The following PAQR9 variants were observed in gnomAD, a reference collection of about 807,000 sequenced individuals.
The protein encoded by PAQR9 is progestin and adipoQ receptor family member 9, also known as membrane progestin receptor epsilon.
In PAQR9, 12 loss-of-function variants were observed where a neutral mutation model predicts 24.0. That is an observed-to-expected ratio of 0.50 (90% CI 0.32 to 0.81). The LOEUF (loss-of-function observed/expected upper bound fraction) is 0.81. PAQR9 is among the 30% of genes least tolerant of loss of function. PAQR9 has a pLI of 0.03. For synonymous variants in PAQR9, 266 were observed against 237.6 expected (o/e 1.12, Z -1.10); for missense variants, 418 against 520.8 (o/e 0.80, Z 1.92).
At chr3:142,963,764 G>A, upstream of PAQR9, 1 of 949,022 alleles carries the variant, frequency 1.1e-6, no homozygotes, top group Non-Finnish European at 1.3e-6. Flanking sequence ...GGAGGGACGG[G>A]CGCACCGAGG....
chr3:142,952,654 T>C (rs1190333385), downstream of PAQR9: 1 of 408,356 alleles, frequency 2.4e-6, no homozygotes, highest in African/African-American at 2.1e-5. Context: ...GTGAGTTACT[T>C]TGTTTGGCCC....
At position 142,963,653 on chromosome 3, in the gene PAQR9, C is replaced by G; in HGVS notation, c.-317G>C. On this transcript the variant is annotated 5_prime_UTR_variant, in exon 1 of 1. Coordinates refer to ENST00000340634, the MANE Select transcript of PAQR9 (RefSeq NM_198504.4). ...GCGGCGGCGGCGCGGCTGACTGCGG[C>G]GGCAGCGCGGCAGCGGTGACTGGGC... The G allele has an allele frequency of 1.6e-6, 1 of 611,022 alleles. No individual in the cohort carries two copies. Among genetic ancestry groups the G allele is most frequent in the Non-Finnish European group, 2.0e-6 (1 of 490,312 alleles). 37.9% of individuals were successfully genotyped at this position (611,022 alleles called of 1,614,324 possible). A position where few individuals can be genotyped will look rare whatever the true frequency, so the allele number is the denominator to read the frequency against.
In PAQR9 at chr3:142,963,268, C is replaced by A. The variant is rs929455075; in HGVS notation, c.69G>T (p.Ser23=). Residue 23 remains serine, a synonymous_variant, in exon 1 of 1, where the codon TCG becomes TCT. Transcript: ENST00000340634. The part of the protein sequence containing the change: ...KGPPAPAPAA[S]GAARNSHSAA... Reference sequence around the variant, plus strand: ...CAGAGTGGGAGTTCCGGGCGGCCCCCGAAGCTGCCGGGGCCGGGGCCGGAG... The same window carrying A: ...CAGAGTGGGAGTTCCGGGCGGCCCCAGAAGCTGCCGGGGCCGGGGCCGGAG... The A allele has an allele frequency of 1.1e-5, 16 of 1,510,180 alleles. No individual in the cohort carries two copies. The highest frequency in any genetic ancestry group is 1.4e-5 in the African/African-American group (1 of 71,616). The allele number at this position is 1,510,180 out of a possible 1,614,324, so 93.5% of individuals were successfully genotyped here. A position where few individuals can be genotyped will look rare whatever the true frequency, so the allele number is the denominator to read the frequency against.
At chr3:142,951,740 C>A (rs974704738), downstream of PAQR9, 4 of 456,582 alleles carry the variant, frequency 8.8e-6, no homozygotes, top group Admixed American at 9.4e-5. Flanking sequence ...TCAGCTATAC[C>A]GGTATAGATG....
Position 142,961,266 on chromosome 3 carries a change from T to C in PAQR9, c.*937A>G, listed in dbSNP as rs1934884002. On this transcript the variant is annotated 3_prime_UTR_variant, in exon 1 of 1. Transcript: ENST00000340634. ...GCTTCAAAAGGCACATTTATTCCAG[T>C]GGCAATTTAAATAAGTAGAGAAGGA... 1 of 152,302 alleles carries C rather than the reference T, an allele frequency of 6.6e-6. No individual in the cohort carries two copies. The highest frequency in any genetic ancestry group is 1.5e-5 in the Non-Finnish European group (1 of 67,988). 9.4% of individuals were successfully genotyped at this position (152,302 alleles called of 1,614,324 possible). A position where few individuals can be genotyped will look rare whatever the true frequency, so the allele number is the denominator to read the frequency against.
Position 142,960,636 on chromosome 3 carries a change from G to A in PAQR9, c.*1567C>T, listed in dbSNP as rs959583610. 6.6e-6 allele frequency: 1 copy of A among 152,196 alleles called. No individual in the cohort carries two copies. Among genetic ancestry groups the A allele is most frequent in the African/African-American group, 2.4e-5 (1 of 41,436 alleles). The allele number at this position is 152,196 out of a possible 1,614,324, so 9.4% of individuals were successfully genotyped here. ...AACAAAATGACCTACCAGGAAGTGTGGTAAGTATTTAAACAAGTCATCTCA... is the reference window on the plus strand; with the variant it reads ...AACAAAATGACCTACCAGGAAGTGTAGTAAGTATTTAAACAAGTCATCTCA... On this transcript the variant is annotated 3_prime_UTR_variant, in exon 1 of 1. Coordinates refer to ENST00000340634, the MANE Select transcript of PAQR9 (RefSeq NM_198504.4).
In PAQR9 at chr3:142,962,308, T is replaced by A. The variant is rs1934910557; in HGVS notation, c.1029A>T (p.Ala343=). The change falls in exon 1 of 1, where the codon GCA becomes GCT. Residue 343 remains alanine, a synonymous_variant. Transcript: ENST00000340634. ...LRQFLQAPPA[A]PTFSGTVGYM... ...AGCCCACAGTACCCGAGAAAGTGGG[T>A]GCGGCAGGCGGCGCCTGGAGGAACT... 6.2e-7 allele frequency: 1 copy of A among 1,613,864 alleles called. No homozygotes were observed. The highest frequency in any genetic ancestry group is 1.3e-5 in the African/African-American group (1 of 74,878).
Position 142,962,228 on chromosome 3 carries a change from C to G in PAQR9, c.1109G>C (p.Ser370Thr), listed in dbSNP as rs545685616. Residue 370 changes from serine to threonine, a missense_variant, in exon 1 of 1, where the codon AGC (serine) becomes ACC (threonine). This residue lies in a region of PAQR9 where 230 missense variants were observed against 305.2 expected (regional missense o/e 0.75). Transcript: ENST00000340634. ...LGLVIRKFLNSSEFCSKK is the reference protein window; with the variant it reads ...LGLVIRKFLNTSEFCSKK ...TCACTTTTTACTGCAGAATTCGGAG[C>G]TGTTTAGGAACTTCCTGATTACCAG... is the stretch of plus-strand genomic sequence containing the variant. 7 of 1,613,938 alleles carry G rather than the reference C, an allele frequency of 4.3e-6. No individual in the cohort carries two copies. In the African/African-American group the frequency reaches 9.3e-5, roughly 22 times the overall value.
rs1410229559 is a variant in PAQR9, at chr3:142,957,120, C to T, written c.*5083G>A. On this transcript the variant is annotated 3_prime_UTR_variant, in exon 1 of 1. Coordinates refer to ENST00000340634, the MANE Select transcript of PAQR9 (RefSeq NM_198504.4). ...GCTATCCCGTAATGCCTTTTTGCCT[C>T]TGTCCTAATTTTATGGAAACAAAGT... is the stretch of plus-strand genomic sequence containing the variant. Among the ~76,000 whole-genome samples the T allele has an allele frequency of 1.3e-5, 2 of 152,174 alleles. No homozygotes were observed. The highest frequency in any genetic ancestry group is 2.9e-5 in the Non-Finnish European group (2 of 68,022).
Position 142,957,791 on chromosome 3 carries a change from TAAC to T in PAQR9, c.*4409_*4411del, listed in dbSNP as rs1263132173. On this transcript the variant is annotated 3_prime_UTR_variant, in exon 1 of 1. Transcript: ENST00000340634. The stretch of plus-strand genomic sequence containing the variant: ...GTACATTACATTTTCAAGTTATTTT[TAAC>T]AATAGGCCTAGGAGCACACAGAAAA... 6.6e-6 allele frequency among the ~76,000 whole-genome samples: 1 copy of T among 152,158 alleles called. No individual in the cohort carries two copies. The highest frequency in any genetic ancestry group is 2.4e-5 in the African/African-American group (1 of 41,428).
rs1355500300 is a variant in PAQR9 at position 142,958,966 on chromosome 3, G to T, written c.*3237C>A. Among the ~76,000 whole-genome samples the T allele has an allele frequency of 6.6e-6, 1 of 152,118 alleles. No homozygotes were observed. ...GTCAGCCCCAGAGACCAACCCACGG[G>T]GTGACAGGCACCGAAGTCAAACACC... On this transcript the variant is annotated 3_prime_UTR_variant, in exon 1 of 1. Transcript: ENST00000340634.
downstream of PAQR9, among the ~76,000 whole-genome samples, chr3:142,952,051 G>GT (rs1934722446): frequency 6.7e-6 from 1 of 149,772 alleles, no homozygotes; most frequent in Non-Finnish European, 1.5e-5. Context: ...AAAAGAAGGG[G>GT]GGGGGGTGTT....
At chr3:142,963,715 C>G (rs1312252312), upstream of PAQR9, 9 of 790,158 alleles carry the variant, frequency 1.1e-5, no homozygotes, top group Admixed American at 2.5e-4. Flanking sequence ...CCGCCGCCCC[C>G]GGAGCGGGAG....
downstream of PAQR9, chr3:142,951,864 C>T (rs541916142): frequency 1.4e-5 from 6 of 433,204 alleles, no homozygotes; most frequent in South Asian, 5.0e-5. Flanking sequence ...TCAAAGAGAA[C>T]AGAATGGGAA....
chr3:142,953,822 G>C (rs1229198887), downstream of PAQR9, among the ~76,000 whole-genome samples: 1 of 152,120 alleles, frequency 6.6e-6, no homozygotes, highest in East Asian at 1.9e-4. Context: ...CCTCAGGTAG[G>C]CCAATCTGAT....
chr3:142,962,196 C>T lies in PAQR9; in HGVS notation c.*7G>A. 1.2e-6 allele frequency: 2 copies of T among 1,611,622 alleles called. No homozygotes were observed. Among genetic ancestry groups the T allele is most frequent in the Non-Finnish European group, 8.5e-7 (1 of 1,179,106 alleles). ...GGCGAACCAGTAGTCTCCTCCAAGG[C>T]GGAGGCTCACTTTTTACTGCAGAAT... On this transcript the variant is annotated 3_prime_UTR_variant, in exon 1 of 1. Transcript: ENST00000340634.
In PAQR9 at chr3:142,958,500, T is replaced by G. The variant is rs981555858; in HGVS notation, c.*3703A>C. ...GTCTCCTATTATAGCTTTGTGCAGA[T>G]TAACTAATTAAAGTTATGAAGAGAT... On this transcript the variant is annotated 3_prime_UTR_variant, in exon 1 of 1. Coordinates refer to ENST00000340634, the MANE Select transcript of PAQR9 (RefSeq NM_198504.4). Among the ~76,000 whole-genome samples the G allele has an allele frequency of 1.3e-4, 20 of 152,194 alleles. No individual in the cohort carries two copies. Among genetic ancestry groups the G allele is most frequent in the African/African-American group, 4.8e-4 (20 of 41,450 alleles).
chr3:142,963,473 G>A lies in PAQR9; in HGVS notation c.-137C>T. 1 of 1,039,170 alleles carries A rather than the reference G, an allele frequency of 9.6e-7. No homozygotes were observed. The highest frequency in any genetic ancestry group is 1.2e-6 in the Non-Finnish European group (1 of 867,388). The allele number at this position is 1,039,170 out of a possible 1,614,324, so 64.4% of individuals were successfully genotyped here. The stretch of plus-strand genomic sequence containing the variant: ...TCGCTGCAGGTTTAGGAGAAGACCC[G>A]TGCCTCCGAGCAGCCGCTCCTAAAA... On this transcript the variant is annotated 5_prime_UTR_variant, in exon 1 of 1. It adds an upstream start codon to the 5' untranslated region. Coordinates refer to ENST00000340634, the MANE Select transcript of PAQR9 (RefSeq NM_198504.4).
chr3:142,962,986 C>T lies in PAQR9; in HGVS notation c.351G>A (p.Pro117=), dbSNP rs144039037. Residue 117 remains proline (P), a synonymous_variant, in exon 1 of 1, where the codon CCG becomes CCA. Transcript: ENST00000340634. Reference sequence around the variant, plus strand: ...CGTAGCACCACAACGGTAGCAGCCACGGGTGGTGGAAGGGCACGTCGCCGC... The same window carrying T: ...CGTAGCACCACAACGGTAGCAGCCATGGGTGGTGGAAGGGCACGTCGCCGC... ...LSGGDVPFHH[P]WLLPLWCYAS... 4 of 1,613,984 alleles carry T rather than the reference C, an allele frequency of 2.5e-6. No homozygotes were observed. The highest frequency in any genetic ancestry group is 1.7e-5 in the Admixed American group (1 of 60,010).
Sources: gnomAD v4.1 joint callset for allele counts (sites outside exome capture counted in the v4.1 genomes callset) on GRCh38, gnomAD v4.1.1 for gene constraint, gnomAD v4.1.1 regional missense constraint, MANE v1.5 for transcripts, NCBI Gene and HGNC (gene_info 2026-07-23, HGNC 2026-07-21) for gene names.